The following CNTN4 variants were observed in gnomAD, a reference collection of about 807,000 sequenced individuals.
CNTN4 encodes the protein contactin 4.
In CNTN4, 77 loss-of-function variants were observed where a neutral mutation model predicts 122.5. The observed-to-expected ratio is 0.63, with a 90% CI of 0.52 to 0.76. The LOEUF (loss-of-function observed/expected upper bound fraction) is 0.76. CNTN4 is among the 30% of genes least tolerant of loss of function. The pLI is 0.00. For synonymous variants in CNTN4, 512 were observed against 447.0 expected (o/e 1.15, Z -1.83); for missense variants, 1,256 against 1,259.1 (o/e 1.00, Z 0.04).
intron 7 of CNTN4, among the ~76,000 whole-genome samples, chr3:2,838,675 G>C (rs1163771596): frequency 6.6e-6 from 1 of 152,026 alleles, no homozygotes; most frequent in Non-Finnish European, 1.5e-5. Context: ...CCCAGCTCTT[G>C]AAGCAGACTA....
chr3:2,889,926 A>T (rs1199477551), intron 10 of CNTN4, among the ~76,000 whole-genome samples: 1 of 152,198 alleles, frequency 6.6e-6, no homozygotes, highest in Non-Finnish European at 1.5e-5. Flanking sequence ...GTGCAGGGAA[A>T]TGTTTTTTTC....
In CNTN4 at chr3:3,029,361, C is replaced by A. The variant is rs78257606; in HGVS notation, c.1663-1494C>A. On this transcript the variant is annotated intron_variant, in intron 15 of 24. Coordinates refer to ENST00000418658, the MANE Select transcript of CNTN4 (RefSeq NM_175607.3). ...GATAATCTCATTTGATTTTCACAAC[C>A]TAGCATGAAGGTCAATAAAGGTCTT... 5.8e-3 allele frequency among the ~76,000 whole-genome samples: 889 copies of A among 152,244 alleles called. 6 individuals are homozygous for A. Among genetic ancestry groups the A allele is most frequent in the African/African-American group, 0.02 (833 of 41,550 alleles).
intron 2 of CNTN4, among the ~76,000 whole-genome samples, chr3:2,151,124 C>A (rs2035476555): frequency 6.6e-6 from 1 of 152,052 alleles, no homozygotes; most frequent in Non-Finnish European, 1.5e-5. Context: ...GGGGTTTTGC[C>A]ATGTTGGCCG....
rs974164771 is a variant in CNTN4 at position 2,709,638 on chromosome 3, G to T, written c.56-26577G>T. Among the ~76,000 whole-genome samples the T allele has an allele frequency of 3.3e-5, 5 of 152,166 alleles. No homozygotes were observed. Among genetic ancestry groups the T allele is most frequent in the Non-Finnish European group, 7.3e-5 (5 of 68,034 alleles). ...CATTTAAATTCCACAATGTGGCTGG[G>T]TGCGGTGGCTCTCACCTGTAACCGC... On this transcript the variant is annotated intron_variant, in intron 4 of 24. Transcript: ENST00000418658. This position sits in a 1 kb window ranked among gnomAD's most constrained non-coding sequence, Gnocchi z 5.0.
intron 13 of CNTN4, among the ~76,000 whole-genome samples, chr3:2,969,547 C>A (rs924082890): frequency 1.5e-5 from 2 of 132,740 alleles, no homozygotes; most frequent in Admixed American, 1.5e-4. Flanking sequence ...TATTCCTAGA[C>A]AAAGAGAAAT....
intron 4 of CNTN4, among the ~76,000 whole-genome samples, chr3:2,720,719 A>G (rs1184992677): frequency 6.6e-6 from 1 of 152,204 alleles, no homozygotes; most frequent in African/African-American, 2.4e-5. Flanking sequence ...TATAGACTTT[A>G]AAGAATTTAA....
chr3:2,918,572 C>T (rs535758900), intron 12 of CNTN4, among the ~76,000 whole-genome samples: 1 of 152,336 alleles, frequency 6.6e-6, no homozygotes, highest in Non-Finnish European at 1.5e-5. Flanking sequence ...TCAGTGACTT[C>T]ATGTTGATAG....
At chr3:2,418,310 TAA>T (rs1179300244) in intron 3 of CNTN4, among the ~76,000 whole-genome samples, 3 of 149,528 alleles carry the variant, frequency 2.0e-5, no homozygotes, top group Admixed American at 6.7e-5. Flanking sequence ...CTAGAAAAAA[TAA>T]AGTCTGTTAA....
At chr3:2,271,563 CT>C (rs1452590686) in intron 2 of CNTN4, among the ~76,000 whole-genome samples, 1 of 152,016 alleles carries the variant, frequency 6.6e-6, no homozygotes, top group African/African-American at 2.4e-5. Flanking sequence ...TTTTAATGTT[CT>C]ATGTAATTAC....
intron 2 of CNTN4, among the ~76,000 whole-genome samples, chr3:2,151,946 C>G (rs2035511383): frequency 6.6e-6 from 1 of 152,136 alleles, no homozygotes; most frequent in Admixed American, 6.5e-5. Flanking sequence ...ATTTTGTTAA[C>G]AGCAACAGGC....
At chr3:2,303,348 A>C (rs2150086766) in intron 2 of CNTN4, among the ~76,000 whole-genome samples, 1 of 152,096 alleles carries the variant, frequency 6.6e-6, no homozygotes, top group Non-Finnish European at 1.5e-5. Context: ...TGCCCCCCAA[A>C]ATTGCTTCCA....
At chr3:2,460,277 C>T (rs986592169) in intron 3 of CNTN4, among the ~76,000 whole-genome samples, 1 of 152,114 alleles carries the variant, frequency 6.6e-6, no homozygotes, top group African/African-American at 2.4e-5. Context: ...TTTTCAATCA[C>T]CTTAAAGTTG....
chr3:3,034,609 C>G, intron 16 of CNTN4, 23 bp from the exon 17 acceptor site: 2 of 1,613,782 alleles, frequency 1.2e-6, no homozygotes, highest in Non-Finnish European at 1.7e-6. Flanking sequence ...TGCTCCAATT[C>G]TGGGGGTCTT....
rs545244812 is a variant in CNTN4, at chr3:2,379,279, CT to C, written c.-89+40047del. On this transcript the variant is annotated intron_variant, in intron 3 of 24. Coordinates refer to ENST00000418658, the MANE Select transcript of CNTN4 (RefSeq NM_175607.3). ...TTTTTCCGTTTCCTTTTTTTTTCTT[CT>C]GTTTTTAAGCTTTACCCTGCAGATG... Among the ~76,000 whole-genome samples the C allele has an allele frequency of 7.2e-4, 92 of 127,754 alleles. 1 individual carries two copies. The highest frequency in any genetic ancestry group is 1.5e-3 in the African/African-American group (50 of 34,458). 83.8% of individuals were successfully genotyped at this position (127,754 alleles called of 152,430 possible).
intron 10 of CNTN4, among the ~76,000 whole-genome samples, chr3:2,887,655 A>G (rs1008528161): frequency 6.6e-6 from 1 of 151,924 alleles, no homozygotes; most frequent in African/African-American, 2.4e-5. Context: ...TTTGTTAGCA[A>G]TTTAATGTGG....
chr3:2,799,779 G>C (rs1460692030), intron 6 of CNTN4, among the ~76,000 whole-genome samples: 1 of 152,098 alleles, frequency 6.6e-6, no homozygotes, highest in Non-Finnish European at 1.5e-5. Context: ...GTAATACTAA[G>C]CCTTTCACAT....
intron 4 of CNTN4, among the ~76,000 whole-genome samples, chr3:2,702,334 A>T (rs1483024127): frequency 6.6e-6 from 1 of 152,242 alleles, no homozygotes; most frequent in Non-Finnish European, 1.5e-5. Flanking sequence ...TAGGTAAAAG[A>T]ACAAACGAAC....
intron 7 of CNTN4, among the ~76,000 whole-genome samples, chr3:2,857,571 C>T (rs1363363687): frequency 6.6e-6 from 1 of 152,050 alleles, no homozygotes; most frequent in African/African-American, 2.4e-5. Flanking sequence ...CAGACTGGGC[C>T]ATCTATTTTT....
chr3:2,966,596 T>C (rs932088962), intron 13 of CNTN4, among the ~76,000 whole-genome samples: 1 of 152,208 alleles, frequency 6.6e-6, no homozygotes. Flanking sequence ...AATAATTTAT[T>C]GTATATTTTG....
Sources: gnomAD v4.1 joint callset for allele counts (sites outside exome capture counted in the v4.1 genomes callset) on GRCh38, gnomAD v4.1.1 for gene constraint, Gnocchi (gnomAD v3.1) non-coding constraint, MANE v1.5 for transcripts, NCBI Gene and HGNC (gene_info 2026-07-23, HGNC 2026-07-21) for gene names.